The following EAF2 variants were observed in gnomAD, a reference collection of about 807,000 sequenced individuals.
The protein encoded by EAF2 is ELL associated factor 2.
EAF2 carries 29 observed loss-of-function variants against 29.4 expected under a neutral mutation model. That is an observed-to-expected ratio of 0.99 (90% CI 0.73 to 1.35). EAF2 has a LOEUF of 1.35. Ranked by LOEUF, EAF2 falls within the 40% of genes most tolerant of loss-of-function variation. The probability of loss-of-function intolerance (pLI) is 0.00; values close to 1 mark genes in which losing one functional copy is unlikely to be tolerated. For synonymous variants in EAF2, 103 were observed against 102.5 expected (o/e 1.00, Z -0.03); for missense variants, 292 against 312.0 (o/e 0.94, Z 0.48).
chr3:121,846,896 T>C (rs1038696176), intron 2 of EAF2, among the ~76,000 whole-genome samples: 1 of 152,188 alleles, frequency 6.6e-6, no homozygotes, highest in Non-Finnish European at 1.5e-5. Flanking sequence ...TGTTTGGTTA[T>C]GGTCTCAATT....
intron 2 of EAF2, among the ~76,000 whole-genome samples, chr3:121,846,885 G>C (rs1332119436): frequency 6.6e-6 from 1 of 151,986 alleles, no homozygotes; most frequent in African/African-American, 2.4e-5. Flanking sequence ...CATCTTCCAG[G>C]TGTTTGGTTA....
chr3:121,873,022 A>T (rs543544896), intron 5 of EAF2: 1 of 737,496 alleles, frequency 1.4e-6, no homozygotes, highest in African/African-American at 1.7e-5. Flanking sequence ...TCAAGTTTAT[A>T]TGATCCTCTG....
intron 3 of EAF2, 82 bp from the exon 4 acceptor site, chr3:121,856,929 G>C: frequency 1.7e-6 from 2 of 1,150,152 alleles, no homozygotes; most frequent in African/African-American, 3.1e-5. Context: ...AGAATAAGTG[G>C]TCAGTTTTAG....
intron 4 of EAF2, among the ~76,000 whole-genome samples, chr3:121,870,456 TGA>T (rs1559827728): frequency 6.6e-6 from 1 of 152,122 alleles, no homozygotes; most frequent in Non-Finnish European, 1.5e-5. Flanking sequence ...ATAAGTGTCT[TGA>T]AGAGAATTAA....
intron 1 of EAF2, 49 bp from the exon 2 acceptor site, chr3:121,844,404 C>A (rs1400486380): frequency 8.9e-7 from 1 of 1,128,668 alleles, no homozygotes; most frequent in Non-Finnish European, 1.3e-6. Context: ...ATTTTTATAT[C>A]CAAATATCAT....
chr3:121,836,743 C>T, intron 1 of EAF2: 2 of 987,668 alleles, frequency 2.0e-6, no homozygotes, highest in Non-Finnish European at 2.4e-6. Context: ...CTGGTTTTTC[C>T]ATGCCTTTTT....
intron 4 of EAF2, among the ~76,000 whole-genome samples, chr3:121,870,429 C>G (rs1437485967): frequency 6.6e-6 from 1 of 151,948 alleles, no homozygotes; most frequent in Non-Finnish European, 1.5e-5. Context: ...AAATAAGTAT[C>G]CAAATGAATT....
At chr3:121,882,348 CAA>C (rs56339909) in intron 5 of EAF2, among the ~76,000 whole-genome samples, 114,673 of 135,766 alleles carry the variant, frequency 0.84, 47,987 homozygotes, top group East Asian at 0.91. Flanking sequence ...GACTCTGTCT[CAA>C]AAAAAAAAAA....
intron 1 of EAF2, among the ~76,000 whole-genome samples, chr3:121,842,057 G>T (rs1708444712): frequency 6.6e-6 from 1 of 151,892 alleles, no homozygotes; most frequent in African/African-American, 2.4e-5. Flanking sequence ...GGTGTCATGT[G>T]CCTGTAATCC....
intron 1 of EAF2, among the ~76,000 whole-genome samples, chr3:121,835,758 G>A (rs1311655281): frequency 1.3e-5 from 2 of 152,162 alleles, no homozygotes; most frequent in African/African-American, 2.4e-5. Flanking sequence ...GAATGCCGGG[G>A]AACTTGAATG....
At chr3:121,864,675 G>C (rs996580025) in intron 4 of EAF2, among the ~76,000 whole-genome samples, 2 of 152,010 alleles carry the variant, frequency 1.3e-5, no homozygotes, top group African/African-American at 4.8e-5. Context: ...AATTAGCTGG[G>C]TGTGGTGGTG....
chr3:121,876,095 A>G (rs1481244609), intron 5 of EAF2, among the ~76,000 whole-genome samples: 1 of 151,942 alleles, frequency 6.6e-6, no homozygotes, highest in Non-Finnish European at 1.5e-5. Flanking sequence ...AAATAAAAAT[A>G]AATCTAGACC....
chr3:121,866,075 G>A (rs1438389452), intron 4 of EAF2, among the ~76,000 whole-genome samples: 1 of 152,064 alleles, frequency 6.6e-6, no homozygotes, highest in Non-Finnish European at 1.5e-5. Context: ...TCCAAGCAGG[G>A]GAGCCAATCA....
intron 1 of EAF2, among the ~76,000 whole-genome samples, chr3:121,842,588 A>T (rs1190404439): frequency 6.6e-6 from 1 of 152,172 alleles, no homozygotes; most frequent in East Asian, 1.9e-4. Context: ...TGAAGCTTCA[A>T]AGTAAAAATC....
intron 1 of EAF2, among the ~76,000 whole-genome samples, chr3:121,843,331 TA>T (rs1462149923): frequency 6.6e-6 from 1 of 152,194 alleles, no homozygotes; most frequent in African/African-American, 2.4e-5. Flanking sequence ...GTTTTCTAAT[TA>T]TAATTCCCTA....
At chr3:121,885,436 A>C (rs989144839) in intron 5 of EAF2, among the ~76,000 whole-genome samples, 3 of 152,220 alleles carry the variant, frequency 2.0e-5, no homozygotes, top group African/African-American at 4.8e-5. Context: ...ACCGGTTTTA[A>C]GTTAGTTGCC....
At chr3:121,850,436 G>A (rs1460032649) in intron 2 of EAF2, among the ~76,000 whole-genome samples, 4 of 150,244 alleles carry the variant, frequency 2.7e-5, no homozygotes, top group South Asian at 2.1e-4. Flanking sequence ...TTCATAATGA[G>A]GCATATGATT....
At chr3:121,867,985 C>A (rs1708953411) in intron 4 of EAF2, among the ~76,000 whole-genome samples, 1 of 152,080 alleles carries the variant, frequency 6.6e-6, no homozygotes, top group Non-Finnish European at 1.5e-5. Flanking sequence ...TAAAATGTTT[C>A]AAGTAACCCA....
intron 5 of EAF2, among the ~76,000 whole-genome samples, chr3:121,875,194 G>A (rs1709075368): frequency 6.6e-6 from 1 of 151,802 alleles, no homozygotes; most frequent in Admixed American, 6.6e-5. Context: ...AGGGGTAGTG[G>A]GGAAAGGGAG....
Sources: allele counts gnomAD v4.1 joint callset (sites outside exome capture counted in the v4.1 genomes callset), GRCh38; gene constraint gnomAD v4.1.1; transcripts MANE v1.5; gene names NCBI Gene and HGNC (gene_info 2026-07-23, HGNC 2026-07-21).